IMMP2L: variants seen among roughly 807,000 people sequenced by gnomAD.
IMMP2L encodes the protein inner mitochondrial membrane peptidase subunit 2.
IMMP2L carries 18 observed loss-of-function variants against 19.3 expected under a neutral mutation model. The ratio of observed to expected loss-of-function variants is 0.93; its 90% CI spans 0.64 to 1.38. The LOEUF (loss-of-function observed/expected upper bound fraction) is 1.38. Among genes scored for constraint, IMMP2L ranks in the 40% most tolerant of loss-of-function variants. The pLI, the probability that IMMP2L is intolerant of heterozygous loss-of-function variation, is 0.00. For missense variants in IMMP2L, 233 were observed against 218.2 expected (o/e 1.07, Z -0.43); for synonymous variants, 76 against 73.0 (o/e 1.04, Z -0.21).
chr7:111,016,788 C>T (rs1290182543), intron 3 of IMMP2L, among the ~76,000 whole-genome samples: 5 of 70,856 alleles, frequency 7.1e-5, no homozygotes, highest in African/African-American at 1.6e-4. Flanking sequence ...ATAATATATA[C>T]TATATAATAT....
intron 3 of IMMP2L, among the ~76,000 whole-genome samples, chr7:111,290,601 C>T (rs10275811): frequency 0.022 from 3,309 of 151,928 alleles, 119 homozygotes; most frequent in African/African-American, 0.076. Context: ...CTGCCAGTTC[C>T]TATTTCTGTC....
intron 4 of IMMP2L, among the ~76,000 whole-genome samples, chr7:110,935,426 T>G: frequency 9.8e-6 from 1 of 101,820 alleles, no homozygotes; most frequent in Middle Eastern, 4.5e-3. Flanking sequence ...GGCTGCCCTT[T>G]ACATTTTCTC....
At chr7:111,495,738 T>C (rs1384645046) in intron 2 of IMMP2L, among the ~76,000 whole-genome samples, 1 of 152,212 alleles carries the variant, frequency 6.6e-6, no homozygotes, top group Non-Finnish European at 1.5e-5. Context: ...AATTTTTTAT[T>C]CATTTTTTAA....
chr7:111,123,924 C>A lies in IMMP2L; in HGVS notation c.240-160359G>T. ...TCCGTTGGATGAACATGAACAAAAC[C>A]AACATTCGATTCATGGAGCCAGATT... On this transcript the variant is annotated intron_variant, in intron 3 of 5. Transcript: ENST00000405709. This position sits in a 1 kb window ranked among gnomAD's most constrained non-coding sequence, Gnocchi z 6.4. 1 of 1,613,948 alleles carries A rather than the reference C, an allele frequency of 6.2e-7. No homozygotes were observed. Among genetic ancestry groups the A allele is most frequent in the Non-Finnish European group, 8.5e-7 (1 of 1,179,982 alleles).
chr7:111,402,996 C>A (rs1345330489), intron 3 of IMMP2L, among the ~76,000 whole-genome samples: 2 of 97,492 alleles, frequency 2.1e-5, no homozygotes, highest in African/African-American at 4.2e-5. Context: ...CCTTGACCCC[C>A]CCCCCCCACC....
intron 2 of IMMP2L, among the ~76,000 whole-genome samples, chr7:111,493,878 T>C (rs567366553): frequency 6.6e-6 from 1 of 150,416 alleles, no homozygotes; most frequent in East Asian, 2.0e-4. Context: ...TGGGCCGCTG[T>C]AGTCCCAGCT....
At chr7:111,124,509 T>C (rs1364634153) in intron 3 of IMMP2L, 1 of 1,613,794 alleles carries the variant, frequency 6.2e-7, no homozygotes, top group African/African-American at 1.3e-5. Flanking sequence ...AGGTATATAA[T>C]CTTACTCATC....
chr7:110,700,101 G>A (rs1047962756), intron 5 of IMMP2L, among the ~76,000 whole-genome samples: 2 of 152,114 alleles, frequency 1.3e-5, no homozygotes, highest in East Asian at 3.9e-4. Flanking sequence ...TGTGAGACAC[G>A]GAGCAGAGGA....
intron 3 of IMMP2L, among the ~76,000 whole-genome samples, chr7:111,139,020 T>C (rs1358905958): frequency 6.6e-6 from 1 of 152,126 alleles, no homozygotes; most frequent in Non-Finnish European, 1.5e-5. Flanking sequence ...TTTTAAATCA[T>C]CTCTATTGAT....
At chr7:110,731,129 C>G (rs1796249804) in intron 5 of IMMP2L, among the ~76,000 whole-genome samples, 1 of 152,120 alleles carries the variant, frequency 6.6e-6, no homozygotes, top group East Asian at 1.9e-4. Context: ...TTAACTTCTC[C>G]TAGACTCAGG....
intron 3 of IMMP2L, among the ~76,000 whole-genome samples, chr7:111,241,194 C>T (rs1333158359): frequency 6.6e-6 from 1 of 151,836 alleles, no homozygotes; most frequent in Non-Finnish European, 1.5e-5. Context: ...AATAAGATTA[C>T]ATATATTTAA....
At chr7:110,853,491 G>A (rs1161259501) in intron 5 of IMMP2L, among the ~76,000 whole-genome samples, 1 of 151,962 alleles carries the variant, frequency 6.6e-6, no homozygotes, top group East Asian at 1.9e-4. Flanking sequence ...CAGTGGAAAT[G>A]GTTTCAGACA....
chr7:111,356,280 A>G (rs1828689279), intron 3 of IMMP2L, among the ~76,000 whole-genome samples: 2 of 152,030 alleles, frequency 1.3e-5, no homozygotes, highest in Admixed American at 1.3e-4. Context: ...GATTGAAAAT[A>G]TTCAAAAAAA....
chr7:110,850,432 A>G (rs865810231), intron 5 of IMMP2L, among the ~76,000 whole-genome samples: 2 of 152,172 alleles, frequency 1.3e-5, no homozygotes, highest in Middle Eastern at 6.8e-3. Context: ...ATTTGCATTG[A>G]CCTGCCCCTT....
intron 1 of IMMP2L, among the ~76,000 whole-genome samples, chr7:111,539,193 AGGG>A (rs879934472): frequency 0.56 from 24,171 of 42,830 alleles, 6,973 homozygotes; most frequent in South Asian, 0.67. Flanking sequence ...GGAAGGAAGG[AGGG>A]AGAAAGAAAG....
chr7:111,431,021 C>A (rs1041944412), intron 3 of IMMP2L, among the ~76,000 whole-genome samples: 9 of 151,756 alleles, frequency 5.9e-5, no homozygotes, highest in African/African-American at 1.9e-4. Context: ...GCATGAGAAT[C>A]GCTTGAACCT....
At chr7:111,176,914 T>C (rs1306077060) in intron 3 of IMMP2L, among the ~76,000 whole-genome samples, 2 of 152,030 alleles carry the variant, frequency 1.3e-5, no homozygotes, top group Non-Finnish European at 2.9e-5. Context: ...ACATGTAGTA[T>C]AAGAAAGAAA....
chr7:110,665,845 T>C (rs976740145), intron 5 of IMMP2L, among the ~76,000 whole-genome samples: 4 of 152,238 alleles, frequency 2.6e-5, no homozygotes, highest in Non-Finnish European at 4.4e-5. Flanking sequence ...GTAAATATCC[T>C]ATATGCCAGC....
chr7:110,741,628 T>C (rs1028819235), intron 5 of IMMP2L, among the ~76,000 whole-genome samples: 4 of 152,206 alleles, frequency 2.6e-5, no homozygotes, highest in South Asian at 4.1e-4. Flanking sequence ...GCAATAAATG[T>C]CTATTGTTTA....
Sources: allele counts gnomAD v4.1 joint callset (sites outside exome capture counted in the v4.1 genomes callset), GRCh38; gene constraint gnomAD v4.1.1; non-coding constraint Gnocchi (gnomAD v3.1); transcripts MANE v1.5; gene names NCBI Gene and HGNC (gene_info 2026-07-23, HGNC 2026-07-21).